CAMTA1: variants seen among roughly 807,000 people sequenced by gnomAD.
The protein encoded by CAMTA1 is calmodulin-binding transcription activator 1.
A neutral mutation model predicts 170.9 loss-of-function variants in CAMTA1; 27 were observed. The observed-to-expected ratio is 0.16, with a 90% CI of 0.12 to 0.22. The LOEUF is 0.22. Among genes scored for constraint, CAMTA1 ranks in the 10% least tolerant of loss-of-function variants. The probability of loss-of-function intolerance (pLI) is 1.00; values close to 1 mark genes in which losing one functional copy is unlikely to be tolerated. For synonymous variants in CAMTA1, 833 were observed against 891.5 expected (o/e 0.93, Z 1.17); for missense variants, 1,619 against 2,217.2 (o/e 0.73, Z 5.42).
At chr1:7,497,002 G>C (rs935075286) in intron 6 of CAMTA1, among the ~76,000 whole-genome samples, 2 of 122,918 alleles carry the variant, frequency 1.6e-5, no homozygotes, top group African/African-American at 6.3e-5. Flanking sequence ...GCCAAGCCAC[G>C]GTCCACCCCA....
chr1:7,537,861 T>A (rs544191922), intron 6 of CAMTA1, among the ~76,000 whole-genome samples: 73 of 152,334 alleles, frequency 4.8e-4, no homozygotes, highest in African/African-American at 1.4e-3. Flanking sequence ...AAAGACTTTT[T>A]AAAATCTTTT....
chr1:6,868,503 G>A (rs149767012), intron 3 of CAMTA1, among the ~76,000 whole-genome samples: 130 of 152,050 alleles, frequency 8.5e-4, no homozygotes, highest in African/African-American at 2.9e-3. Flanking sequence ...TGTTTTGAAA[G>A]TAATATGCCT....
intron 6 of CAMTA1, among the ~76,000 whole-genome samples, chr1:7,469,878 C>T (rs904259707): frequency 2.0e-5 from 3 of 152,234 alleles, no homozygotes; most frequent in Non-Finnish European, 4.4e-5. Context: ...TTCCTCAACT[C>T]GGGCCAAGCG....
chr1:7,661,874 G>C lies in CAMTA1; in HGVS notation c.805+8G>C. On this transcript the variant is annotated splice_region_variant and intron_variant, in intron 8 of 22. Transcript: ENST00000303635. ...TCTGCACCGGCAGCCTGGGTGAGCC[G>C]GGGCTCCCGGGGCAGGCGGGCGCCA... 1.3e-6 allele frequency: 2 copies of C among 1,598,998 alleles called. No homozygotes were observed. The highest frequency in any genetic ancestry group is 1.7e-6 in the Non-Finnish European group (2 of 1,172,932).
chr1:7,281,168 A>G (rs1297473096), intron 5 of CAMTA1, among the ~76,000 whole-genome samples: 3 of 152,236 alleles, frequency 2.0e-5, no homozygotes, highest in Non-Finnish European at 4.4e-5. Flanking sequence ...AGCAGAAATT[A>G]TATTAAAGAC....
chr1:7,703,312 G>T (rs115569408), intron 11 of CAMTA1, among the ~76,000 whole-genome samples: 1 of 152,114 alleles, frequency 6.6e-6, no homozygotes, highest in Admixed American at 6.5e-5. Flanking sequence ...CCCGGGGGGC[G>T]GGCGAGGGGT....
rs1161008272 is a variant in CAMTA1, at chr1:7,768,229, AT to A, written c.*1739del. The A allele has an allele frequency of 6.8e-6, 1 of 147,490 alleles. No individual in the cohort carries two copies. Among genetic ancestry groups the A allele is most frequent in the African/African-American group, 2.5e-5 (1 of 39,948 alleles). The allele number at this position is 147,490 out of a possible 1,614,324, so 9.1% of individuals were successfully genotyped here. On this transcript the variant is annotated 3_prime_UTR_variant, in exon 23 of 23. Transcript: ENST00000303635. ...ATAATAAAATTGCACAAAAAAAAAA[AT>A]GAAAAAGATGCAGACTGGTCTTTTA... is the stretch of plus-strand genomic sequence containing the variant.
At chr1:7,083,706 G>A (rs962811714) in intron 3 of CAMTA1, among the ~76,000 whole-genome samples, 1 of 152,170 alleles carries the variant, frequency 6.6e-6, no homozygotes, top group East Asian at 1.9e-4. Flanking sequence ...CAAGTGCAGC[G>A]AGTGGTGGAT....
At chr1:7,375,084 T>C (rs1399270358) in intron 5 of CAMTA1, among the ~76,000 whole-genome samples, 1 of 152,160 alleles carries the variant, frequency 6.6e-6, no homozygotes. Flanking sequence ...AAACACTGTT[T>C]CGTTTCTTCC....
rs371806787 is a variant in CAMTA1 at position 6,940,647 on chromosome 1, A to G, written c.234+115437A>G. Among the ~76,000 whole-genome samples the G allele has an allele frequency of 2.0e-4, 31 of 152,228 alleles. No individual in the cohort carries two copies. In the East Asian group the frequency reaches 3.9e-3, roughly 19 times the overall value. The stretch of plus-strand genomic sequence containing the variant: ...TGAATCGTTCAGCAGAAAAGAAGAA[A>G]TGGGCCTTTTGGGGGCCAAGGGTCC... On this transcript the variant is annotated intron_variant, in intron 3 of 22. Coordinates refer to ENST00000303635, the MANE Select transcript of CAMTA1 (RefSeq NM_015215.4).
At chr1:7,548,686 T>C (rs2094745648) in intron 6 of CAMTA1, among the ~76,000 whole-genome samples, 1 of 99,366 alleles carries the variant, frequency 1.0e-5, no homozygotes, top group Admixed American at 9.6e-5. Context: ...CCATGGAAGG[T>C]GCCCCCTTAG....
intron 3 of CAMTA1, among the ~76,000 whole-genome samples, chr1:6,996,070 A>G (rs1036226427): frequency 7.9e-5 from 12 of 152,232 alleles, no homozygotes; most frequent in African/African-American, 2.4e-4. Flanking sequence ...GGCATTTGCT[A>G]TCTGCAGGAA....
intron 3 of CAMTA1, among the ~76,000 whole-genome samples, chr1:7,003,278 T>G (rs189269101): frequency 1.3e-5 from 2 of 152,370 alleles, no homozygotes; most frequent in Admixed American, 1.3e-4. Context: ...CCACCACCAC[T>G]ACCGCAGTTT....
intron 5 of CAMTA1, among the ~76,000 whole-genome samples, chr1:7,258,243 C>T (rs1418992896): frequency 6.6e-6 from 1 of 152,184 alleles, no homozygotes; most frequent in East Asian, 1.9e-4. Flanking sequence ...CCTTGTATCT[C>T]TGGTAGATGA....
At chr1:7,254,038 A>G (rs1173145509) in intron 5 of CAMTA1, among the ~76,000 whole-genome samples, 4 of 152,088 alleles carry the variant, frequency 2.6e-5, no homozygotes, top group African/African-American at 9.7e-5. Flanking sequence ...GGGATGCAGG[A>G]GGGGAACCTG....
intron 3 of CAMTA1, among the ~76,000 whole-genome samples, chr1:6,989,765 T>A (rs1696014893): frequency 6.6e-6 from 1 of 152,144 alleles, no homozygotes; most frequent in East Asian, 1.9e-4. Context: ...CTCTAGGAGG[T>A]CACATCCTTT....
intron 3 of CAMTA1, among the ~76,000 whole-genome samples, chr1:6,905,856 C>T (rs184316502): frequency 1.3e-5 from 2 of 152,268 alleles, no homozygotes; most frequent in Admixed American, 6.5e-5. Context: ...TGCAGGGTTG[C>T]CAGAGTGCAG....
intron 19 of CAMTA1, among the ~76,000 whole-genome samples, chr1:7,749,050 TA>T (rs2096877006): frequency 6.6e-6 from 1 of 152,226 alleles, no homozygotes; most frequent in Admixed American, 6.5e-5. Flanking sequence ...AAGGTGGTTA[TA>T]AAATATTAAA....
rs1705045899 is a variant in CAMTA1, at chr1:7,044,559, G to GCTA, written c.235-46745_235-46744insCTA. Among the ~76,000 whole-genome samples the GCTA allele has an allele frequency of 1.3e-5, 2 of 152,232 alleles. No individual in the cohort carries two copies. The highest frequency in any genetic ancestry group is 2.9e-5 in the Non-Finnish European group (2 of 68,040). On this transcript the variant is annotated intron_variant, in intron 3 of 22. Transcript: ENST00000303635. The surrounding 1 kb of genome is among the most constrained non-coding windows in gnomAD (Gnocchi z 5.0). ...TAGGAAGGCACATGCGTGATTAGCA[G>GCTA]ATGGGTGATGGGGCCTCTAGCGGGC...
Sources: allele counts gnomAD v4.1 joint callset (sites outside exome capture counted in the v4.1 genomes callset), GRCh38; gene constraint gnomAD v4.1.1; non-coding constraint Gnocchi (gnomAD v3.1); transcripts MANE v1.5; gene names NCBI Gene and HGNC (gene_info 2026-07-23, HGNC 2026-07-21).